The following PDE1C variants were observed in gnomAD, a reference collection of about 807,000 sequenced individuals.
PDE1C encodes phosphodiesterase 1C.
PDE1C carries 62 observed loss-of-function variants against 93.1 expected under a neutral mutation model. The ratio of observed to expected loss-of-function variants is 0.67; its 90% CI spans 0.54 to 0.82. The LOEUF (loss-of-function observed/expected upper bound fraction) is 0.82. Ranked by LOEUF, PDE1C falls within the 40% of genes least tolerant of loss-of-function variation. The probability of loss-of-function intolerance (pLI) is 0.00; values close to 1 mark genes in which losing one functional copy is unlikely to be tolerated. For missense variants in PDE1C, 742 were observed against 884.6 expected, an observed-to-expected ratio of 0.84 and a Z score of 2.04; for synonymous variants, 325 against 310.1, an observed-to-expected ratio of 1.05 and a Z score of -0.50.
intron 3 of PDE1C, among the ~76,000 whole-genome samples, chr7:32,140,501 A>G (rs1393955872): frequency 1.3e-5 from 2 of 152,266 alleles, no homozygotes; most frequent in Non-Finnish European, 2.9e-5. Context: ...AACTATGATT[A>G]TAAATGGAAA....
At chr7:31,958,290 A>G (rs968742742) in intron 2 of PDE1C, among the ~76,000 whole-genome samples, 1 of 152,204 alleles carries the variant, frequency 6.6e-6, no homozygotes, top group Non-Finnish European at 1.5e-5. Flanking sequence ...AAAGATTACA[A>G]TCATATTTAG....
intron 1 of PDE1C, among the ~76,000 whole-genome samples, chr7:32,314,981 G>C (rs1783137968): frequency 2.7e-5 from 4 of 148,088 alleles, no homozygotes; most frequent in Admixed American, 2.1e-4. Context: ...TACACACACA[G>C]ACACATACAC....
At chr7:31,904,480 TAA>T (rs59608294) in intron 2 of PDE1C, among the ~76,000 whole-genome samples, 23 of 150,154 alleles carry the variant, frequency 1.5e-4, no homozygotes, top group African/African-American at 4.7e-4. Flanking sequence ...TCCACTCACT[TAA>T]AAAAAAAAAT....
At chr7:32,381,397 C>T (rs936372886) in intron 1 of PDE1C, among the ~76,000 whole-genome samples, 1 of 152,126 alleles carries the variant, frequency 6.6e-6, no homozygotes, top group Non-Finnish European at 1.5e-5. Flanking sequence ...CTCACCCTCA[C>T]CATGGCATTT....
At chr7:32,400,477 G>A (rs1784920724) in intron 1 of PDE1C, among the ~76,000 whole-genome samples, 1 of 152,190 alleles carries the variant, frequency 6.6e-6, no homozygotes, top group Non-Finnish European at 1.5e-5. Flanking sequence ...GGCTAGATTT[G>A]GCTGTTAAGA....
the PDE1C span, among the ~76,000 whole-genome samples, chr7:31,700,735 G>A: frequency 5.9e-5 from 9 of 152,206 alleles, no homozygotes; most frequent in South Asian, 1.9e-3. Flanking sequence ...ACTTTAAGTT[G>A]CAGCCAATGC....
intron 4 of PDE1C, among the ~76,000 whole-genome samples, 165 bp downstream of exon 4, chr7:31,878,831 A>G (rs922136123): frequency 1.1e-4 from 16 of 152,228 alleles, no homozygotes; most frequent in African/African-American, 3.9e-4. Context: ...CAGAGATTAA[A>G]ATAGATATGT....
intron 3 of PDE1C, among the ~76,000 whole-genome samples, chr7:32,160,827 C>CTATAAAA (rs1562535050): frequency 6.7e-6 from 1 of 149,378 alleles, no homozygotes; most frequent in African/African-American, 2.5e-5. Flanking sequence ...AAACTAAAAA[C>CTATAAAA]AGGAAAGAAA....
At chr7:31,643,583 CTG>C in the PDE1C span, 2 of 1,613,900 alleles carry the variant, frequency 1.2e-6, no homozygotes, top group Non-Finnish European at 1.7e-6. Context: ...TTAGAATGCA[CTG>C]TGTGTGATCC....
chr7:32,299,124 G>T (rs1385463858), exon 1 of PDE1C: 2 of 1,022,232 alleles, frequency 2.0e-6, no homozygotes, highest in East Asian at 9.3e-5. Flanking sequence ...CCACAGGAAA[G>T]TCTGTTTTCT....
chr7:31,991,543 A>T (rs1784139767), intron 2 of PDE1C, among the ~76,000 whole-genome samples: 1 of 152,200 alleles, frequency 6.6e-6, no homozygotes, highest in South Asian at 2.1e-4. Flanking sequence ...GAGCACTGTG[A>T]GGATGAAGTA....
chr7:32,267,494 C>T (rs766622289), intron 1 of PDE1C, among the ~76,000 whole-genome samples: 1 of 151,940 alleles, frequency 6.6e-6, no homozygotes, highest in Non-Finnish European at 1.5e-5. Context: ...GCACTGGGGC[C>T]AAGGAGGGCT....
At chr7:32,387,702 G>A (rs1784663557) in intron 1 of PDE1C, among the ~76,000 whole-genome samples, 6 of 141,212 alleles carry the variant, frequency 4.2e-5, no homozygotes, top group East Asian at 2.1e-4. Flanking sequence ...CCTCCCTCCC[G>A]GACGGGGCGG....
chr7:32,024,974 G>T (rs1584497023), intron 2 of PDE1C, among the ~76,000 whole-genome samples: 1 of 152,024 alleles, frequency 6.6e-6, no homozygotes, highest in Non-Finnish European at 1.5e-5. Context: ...GCCCAATGAG[G>T]GTATCTACTC....
intron 1 of PDE1C, among the ~76,000 whole-genome samples, chr7:32,217,952 G>A (rs562583760): frequency 1.3e-5 from 2 of 152,294 alleles, no homozygotes; most frequent in South Asian, 2.1e-4. Context: ...TGCCTGGGAT[G>A]AAATAACTTG....
intron 1 of PDE1C, among the ~76,000 whole-genome samples, chr7:32,423,016 C>T (rs1785462840): frequency 6.6e-6 from 1 of 152,208 alleles, no homozygotes; most frequent in Admixed American, 6.5e-5. Flanking sequence ...ACTCGTAGAA[C>T]AGCAGTTTTC....
upstream of PDE1C, among the ~76,000 whole-genome samples, chr7:32,303,181 G>A (rs2128902595): frequency 6.6e-6 from 1 of 152,278 alleles, no homozygotes; most frequent in African/African-American, 2.4e-5. Context: ...AATTCCATAA[G>A]ATACCCTACT....
At chr7:31,619,061 T>G in the PDE1C span, among the ~76,000 whole-genome samples, 6 of 152,224 alleles carry the variant, frequency 3.9e-5, no homozygotes, top group Admixed American at 2.0e-4. Flanking sequence ...ATACTGACCT[T>G]TGTCTTCTTT....
chr7:31,716,603 C>T, the PDE1C span, among the ~76,000 whole-genome samples: 83 of 152,232 alleles, frequency 5.5e-4, 2 homozygotes, highest in Middle Eastern at 0.01. Context: ...GTAACTGTTT[C>T]CAGAGTCTGA....
Sources: allele counts gnomAD v4.1 joint callset (sites outside exome capture counted in the v4.1 genomes callset), GRCh38; gene constraint gnomAD v4.1.1; transcripts MANE v1.5; gene names NCBI Gene and HGNC (gene_info 2026-07-23, HGNC 2026-07-21).